The following IL27RA variants were observed in gnomAD, a reference collection of about 807,000 sequenced individuals.
IL27RA encodes the protein interleukin-27 receptor subunit alpha.
A neutral mutation model predicts 80.8 loss-of-function variants in IL27RA; 61 were observed. The observed-to-expected ratio is 0.76, with a 90% CI of 0.61 to 0.93. The LOEUF (loss-of-function observed/expected upper bound fraction) is 0.93. Ranked by LOEUF, IL27RA falls within the 40% of genes least tolerant of loss-of-function variation. The pLI is 0.00. For missense variants in IL27RA, 735 were observed against 808.1 expected (o/e 0.91, Z 1.10); for synonymous variants, 316 against 332.5 (o/e 0.95, Z 0.54).
chr19:14,032,551 C>T (rs780754893), intron 2 of IL27RA, 48 bp downstream of exon 2: 23 of 1,258,464 alleles, frequency 1.8e-5, no homozygotes, highest in African/African-American at 3.0e-5. Context: ...GAGGTGGCCG[C>T]TCAGGCCCCA....
rs1274155488 is a variant in IL27RA at position 14,039,634 on chromosome 19, G to GC, written c.351dup (p.Val118ArgfsTer19). ...GCACTAAGGCAGGCCAGCCTCTCTG[G>GC]CCCCCCGTCTTCGTGAACCTAGAAA... On this transcript the variant is annotated frameshift_variant, in exon 3 of 14. Transcript: ENST00000263379. LOFTEE classifies it high-confidence loss of function. 5 of 1,613,886 alleles carry GC rather than the reference G, an allele frequency of 3.1e-6. No individual in the cohort carries two copies. The highest frequency in any genetic ancestry group is 4.2e-6 in the Non-Finnish European group (5 of 1,179,984).
intron 10 of IL27RA, among the ~76,000 whole-genome samples, chr19:14,049,769 A>AT (rs1976131634): frequency 1.3e-5 from 2 of 151,666 alleles, no homozygotes; most frequent in South Asian, 4.2e-4. Context: ...TTTAGTAGAG[A>AT]CAGTTTCACC....
Position 14,039,514 on chromosome 19 carries a change from C to G in IL27RA, c.225C>G (p.Ser75=), listed in dbSNP as rs147608598. ...ELHLQSQKYR[S]NKTQTVAVAA... ...CCCGCCTCTCTCCTCACAGCCGTTC[C>G]AACAAAACCCAGACTGTGGCAGTGG... The change falls in exon 3 of 14, where the codon TCC becomes TCG. Residue 75 remains serine, a synonymous_variant. Transcript: ENST00000263379. The G allele has an allele frequency of 6.2e-7, 1 of 1,612,420 alleles. No individual in the cohort carries two copies. The highest frequency in any genetic ancestry group is 1.7e-5 in the Admixed American group (1 of 59,848).
chr19:14,036,920 CTGCCTCCAGGGT>C (rs1225277707), intron 2 of IL27RA, among the ~76,000 whole-genome samples: 1 of 152,022 alleles, frequency 6.6e-6, no homozygotes, highest in Admixed American at 6.6e-5. Flanking sequence ...ACTGCAACCT[CTGCCTCCAGGGT>C]TCAAGCGATT....
chr19:14,045,952 G>A (rs540754375), intron 6 of IL27RA, among the ~76,000 whole-genome samples: 1 of 152,184 alleles, frequency 6.6e-6, no homozygotes, highest in African/African-American at 2.4e-5. Flanking sequence ...TTGAACCCGG[G>A]AGGTGAAGGT....
chr19:14,036,387 C>T (rs1226091922), intron 2 of IL27RA, among the ~76,000 whole-genome samples: 1 of 151,974 alleles, frequency 6.6e-6, no homozygotes, highest in Non-Finnish European at 1.5e-5. Flanking sequence ...TTTTAGATTC[C>T]ACGTATCAAT....
chr19:14,049,716 G>C (rs540362385), intron 10 of IL27RA, among the ~76,000 whole-genome samples: 3 of 151,548 alleles, frequency 2.0e-5, no homozygotes, highest in Non-Finnish European at 4.4e-5. Flanking sequence ...TGAGTAGCTG[G>C]GATTACAGGC....
Position 14,046,420 on chromosome 19 carries a change from C to T in IL27RA, c.953-10C>T. ...TGAGTGGGCAGCTGAGACTTCTCTC[C>T]ACCCTCCAGATTCAGCCTCTGCCCC... is the stretch of plus-strand genomic sequence containing the variant. On this transcript the variant is annotated splice_polypyrimidine_tract_variant and intron_variant, in intron 7 of 13. Coordinates refer to ENST00000263379, the MANE Select transcript of IL27RA (RefSeq NM_004843.4). 4 of 1,614,124 alleles carry T rather than the reference C, an allele frequency of 2.5e-6. No homozygotes were observed. Among genetic ancestry groups the T allele is most frequent in the Non-Finnish European group, 2.5e-6 (3 of 1,180,020 alleles).
chr19:14,031,978 T>C lies in IL27RA; in HGVS notation c.100+6T>C. 1 of 1,605,022 alleles carries C rather than the reference T, an allele frequency of 6.2e-7. No homozygotes were observed. The highest frequency in any genetic ancestry group is 8.5e-7 in the Non-Finnish European group (1 of 1,175,116). Reference sequence around the variant, plus strand: ...CCAGCGGACGCGTCCCCAGGGTGAGTGCTGGAGGGAGCTCGTGTCCCGGGC... The same window carrying C: ...CCAGCGGACGCGTCCCCAGGGTGAGCGCTGGAGGGAGCTCGTGTCCCGGGC... On this transcript the variant is annotated splice_donor_region_variant and intron_variant, in intron 1 of 13. Transcript: ENST00000263379.
chr19:14,031,767 G>A lies in IL27RA; in HGVS notation c.-106G>A, dbSNP rs940916369. Reference sequence around the variant, plus strand: ...GGAGGCGGCCTGCCGGGGTGGTTCGGCTTCCCGTTGCCGCCTCGGGCGCTG... The same window carrying A: ...GGAGGCGGCCTGCCGGGGTGGTTCGACTTCCCGTTGCCGCCTCGGGCGCTG... On this transcript the variant is annotated 5_prime_UTR_variant, in exon 1 of 14. Coordinates refer to ENST00000263379, the MANE Select transcript of IL27RA (RefSeq NM_004843.4). 7.9e-5 allele frequency: 72 copies of A among 916,542 alleles called. No homozygotes were observed. Among genetic ancestry groups the A allele is most frequent in the Non-Finnish European group, 1.0e-4 (63 of 623,600 alleles). 56.8% of individuals were successfully genotyped at this position (916,542 alleles called of 1,614,324 possible).
intron 2 of IL27RA, among the ~76,000 whole-genome samples, chr19:14,036,727 A>G (rs1434653267): frequency 6.6e-6 from 1 of 152,072 alleles, no homozygotes; most frequent in Non-Finnish European, 1.5e-5. Context: ...ATCTCAAGTA[A>G]TCCACCCACC....
rs34034204 is a variant in IL27RA, at chr19:14,050,511, C to CAAA, written c.1403-230_1403-228dup. 8.0e-5 allele frequency among the ~76,000 whole-genome samples: 8 copies of CAAA among 99,938 alleles called. 1 individual carries two copies. The highest frequency in any genetic ancestry group is 2.4e-4 in the African/African-American group (7 of 28,754). 65.6% of individuals were successfully genotyped at this position (99,938 alleles called of 152,430 possible). ...AGTGTTACAGAGCGAGACTTCATGT[C>CAAA]AAAAAAAAAAAAAAAAAAAGAGAAT... On this transcript the variant is annotated intron_variant, in intron 10 of 13. Coordinates refer to ENST00000263379, the MANE Select transcript of IL27RA (RefSeq NM_004843.4).
intron 2 of IL27RA, among the ~76,000 whole-genome samples, chr19:14,037,534 C>A (rs930305583): frequency 6.6e-6 from 1 of 152,076 alleles, no homozygotes; most frequent in South Asian, 2.1e-4. Context: ...GGATTACAGG[C>A]GTGAGCCACC....
chr19:14,045,929 G>T (rs2145693553), intron 6 of IL27RA, among the ~76,000 whole-genome samples: 1 of 152,176 alleles, frequency 6.6e-6, no homozygotes, highest in South Asian at 2.1e-4. Flanking sequence ...GGAGGCTGAG[G>T]CAGGAACATC....
intron 10 of IL27RA, among the ~76,000 whole-genome samples, chr19:14,050,511 CAAAAA>C (rs34034204): frequency 3.0e-5 from 3 of 99,958 alleles, no homozygotes; most frequent in Non-Finnish European, 2.1e-5. Flanking sequence ...GACTTCATGT[CAAAAA>C]AAAAAAAAAA....
chr19:14,036,491 T>C (rs1385289969), intron 2 of IL27RA, among the ~76,000 whole-genome samples: 1 of 139,506 alleles, frequency 7.2e-6, no homozygotes, highest in African/African-American at 2.7e-5. Context: ...AGGATTTCCT[T>C]TTTTTTTTTT....
At chr19:14,047,716 C>T (rs1421136027) in intron 8 of IL27RA, among the ~76,000 whole-genome samples, 1 of 131,328 alleles carries the variant, frequency 7.6e-6, no homozygotes, top group Non-Finnish European at 1.6e-5. Context: ...TGCAGTGGTG[C>T]GATATCGGCT....
chr19:14,035,208 A>G (rs1450185218), intron 2 of IL27RA, among the ~76,000 whole-genome samples: 1 of 151,890 alleles, frequency 6.6e-6, no homozygotes, highest in Non-Finnish European at 1.5e-5. Flanking sequence ...TGTTGCCCAG[A>G]CTGCTTTCGA....
At chr19:14,034,658 T>C (rs1412413338) in intron 2 of IL27RA, among the ~76,000 whole-genome samples, 1 of 119,356 alleles carries the variant, frequency 8.4e-6, no homozygotes, top group Non-Finnish European at 1.9e-5. Context: ...AGACTCTGTC[T>C]AAAAAAAAAA....
Sources: allele counts gnomAD v4.1 joint callset (sites outside exome capture counted in the v4.1 genomes callset), GRCh38; gene constraint gnomAD v4.1.1; transcripts MANE v1.5; gene names NCBI Gene and HGNC (gene_info 2026-07-23, HGNC 2026-07-21).